Variants in KLRF2 observed in about 807,000 individuals in gnomAD.
KLRF2 encodes killer cell lectin-like receptor subfamily F member 2.
KLRF2 carries 28 observed loss-of-function variants against 25.3 expected under a neutral mutation model. The ratio of observed to expected loss-of-function variants is 1.11; its 90% CI spans 0.82 to 1.52. The LOEUF (loss-of-function observed/expected upper bound fraction) is 1.52. Ranked by LOEUF, KLRF2 falls within the 40% of genes most tolerant of loss-of-function variation. The pLI is 0.00. For synonymous variants in KLRF2, 73 were observed against 85.0 expected (o/e 0.86, Z 0.78); for missense variants, 265 against 245.8 (o/e 1.08, Z -0.52).
chr12:9,885,848 C>G (rs1343046709), intron 2 of KLRF2, among the ~76,000 whole-genome samples: 1 of 152,020 alleles, frequency 6.6e-6, no homozygotes, highest in Non-Finnish European at 1.5e-5. Context: ...TGTTAAACGA[C>G]TATTTTTAGT....
At chr12:9,894,630 A>G (rs1259349884) in intron 5 of KLRF2, among the ~76,000 whole-genome samples, 1 of 152,216 alleles carries the variant, frequency 6.6e-6, no homozygotes, top group East Asian at 1.9e-4. Flanking sequence ...TTCAGTTACT[A>G]GTCATACTAC....
At position 9,886,199 on chromosome 12, in the gene KLRF2, G is replaced by C. The variant is rs182206001; in HGVS notation, c.169+1167G>C. Among the ~76,000 whole-genome samples, 1,050 of 152,058 alleles carry C rather than the reference G, an allele frequency of 6.9e-3. 12 individuals carry two copies. Among genetic ancestry groups the C allele is most frequent in the African/African-American group, 0.024 (1,003 of 41,468 alleles). ...CCATATTTTTTATTCTAATAAATTAGTAACAATTACAATATGTGTGTTTCT... is the reference window on the plus strand; with the variant it reads ...CCATATTTTTTATTCTAATAAATTACTAACAATTACAATATGTGTGTTTCT... On this transcript the variant is annotated intron_variant, in intron 2 of 5. Coordinates refer to ENST00000535540, the MANE Select transcript of KLRF2 (RefSeq NM_001190765.1).
intron 2 of KLRF2, among the ~76,000 whole-genome samples, chr12:9,886,603 T>C (rs1196412981): frequency 6.6e-6 from 1 of 152,030 alleles, no homozygotes; most frequent in Admixed American, 6.5e-5. Context: ...CTTTAATACA[T>C]ACAATGCTTA....
At chr12:9,894,691 T>A (rs1007577952) in intron 5 of KLRF2, among the ~76,000 whole-genome samples, 1 of 152,184 alleles carries the variant, frequency 6.6e-6, no homozygotes, top group Non-Finnish European at 1.5e-5. Flanking sequence ...GGAGTCATAG[T>A]TCATTTCAGT....
chr12:9,888,619 A>C (rs928325184), intron 2 of KLRF2, 114 bp from the exon 3 acceptor site: 1 of 591,580 alleles, frequency 1.7e-6, no homozygotes, highest in African/African-American at 1.8e-5. Flanking sequence ...GAGAAGAGAA[A>C]CTCACAATTT....
chr12:9,893,383 AT>A lies in KLRF2; in HGVS notation c.367-39del, dbSNP rs539150275. The A allele has an allele frequency of 1.4e-5, 14 of 1,020,054 alleles. No homozygotes were observed. In the South Asian group the frequency reaches 2.0e-4, roughly 15 times the overall value. 63.2% of individuals were successfully genotyped at this position (1,020,054 alleles called of 1,614,324 possible). ...GACTTACACTATAGAAGGCATCAAA[AT>A]TTTTTTAAACAAATGAATGAATAAA... On this transcript the variant is annotated intron_variant, in intron 4 of 5. Coordinates refer to ENST00000535540, the MANE Select transcript of KLRF2 (RefSeq NM_001190765.1).
intron 1 of KLRF2, 142 bp from the exon 2 acceptor site, chr12:9,884,792 C>G (rs1868132208): frequency 5.4e-6 from 2 of 369,514 alleles, no homozygotes; most frequent in Admixed American, 9.1e-5. Flanking sequence ...GGATTCTAGA[C>G]TTTTTATTTT....
At chr12:9,887,660 A>G (rs534517167) in intron 2 of KLRF2, among the ~76,000 whole-genome samples, 7 of 152,186 alleles carry the variant, frequency 4.6e-5, no homozygotes, top group African/African-American at 1.7e-4. Flanking sequence ...TTCTGTCTAT[A>G]TGAAAACAAA....
intron 2 of KLRF2, among the ~76,000 whole-genome samples, chr12:9,886,084 T>C (rs1183037733): frequency 6.6e-6 from 1 of 152,154 alleles, no homozygotes; most frequent in African/African-American, 2.4e-5. Flanking sequence ...AATGCAATAA[T>C]TATTCTTTTA....
At chr12:9,885,100 A>C (rs917964042) in intron 2 of KLRF2, 68 bp downstream of exon 2, 1 of 493,874 alleles carries the variant, frequency 2.0e-6, no homozygotes. Flanking sequence ...ATTCCTCTTA[A>C]TGCCAAGATA....
chr12:9,892,947 C>A, intron 3 of KLRF2, 73 bp from the exon 4 acceptor site: 3 of 1,197,706 alleles, frequency 2.5e-6, no homozygotes, highest in Admixed American at 5.5e-5. Context: ...TCCAAGTAGT[C>A]ACATTTGATA....
In KLRF2 at chr12:9,893,427, A is replaced by C; in HGVS notation, c.367-2A>C. On this transcript the variant is annotated splice_acceptor_variant, in intron 4 of 5. Coordinates refer to ENST00000535540, the MANE Select transcript of KLRF2 (RefSeq NM_001190765.1). LOFTEE classifies it high-confidence loss of function. Reference sequence around the variant, plus strand: ...TGAATAAATGCACTATTTCTTCTGCAGGAGTTCATACAGAACAGTTTAAAA... The same window carrying C: ...TGAATAAATGCACTATTTCTTCTGCCGGAGTTCATACAGAACAGTTTAAAA... 1.5e-6 allele frequency: 2 copies of C among 1,304,664 alleles called. No homozygotes were observed. Among genetic ancestry groups the C allele is most frequent in the Non-Finnish European group, 2.1e-6 (2 of 944,998 alleles). 80.8% of individuals were successfully genotyped at this position (1,304,664 alleles called of 1,614,324 possible). A position where few individuals can be genotyped will look rare whatever the true frequency, so the allele number is the denominator to read the frequency against.
chr12:9,888,609 G>A (rs1469233073), intron 2 of KLRF2, 124 bp from the exon 3 acceptor site: 3 of 574,564 alleles, frequency 5.2e-6, no homozygotes, highest in South Asian at 4.9e-5. Context: ...GGATGCATAG[G>A]AGAAGAGAAA....
At chr12:9,886,849 C>T (rs539279966) in intron 2 of KLRF2, among the ~76,000 whole-genome samples, 1 of 149,920 alleles carries the variant, frequency 6.7e-6, no homozygotes, top group Non-Finnish European at 1.5e-5. Flanking sequence ...GATTTATGGA[C>T]TGGTGGTCGG....
chr12:9,894,087 TTC>T lies in KLRF2; in HGVS notation c.479+548_479+549del, dbSNP rs138674082. 8.4e-3 allele frequency among the ~76,000 whole-genome samples: 1,280 copies of T among 151,734 alleles called. 27 individuals carry two copies. The highest frequency in any genetic ancestry group is 0.063 in the East Asian group (322 of 5,146). ...CTTTTTTCTTTCTCTTTCTCTCTTC[TTC>T]TTTCTCTTTCTCTCTTTTTCTTTTT... On this transcript the variant is annotated intron_variant, in intron 5 of 5. Coordinates refer to ENST00000535540, the MANE Select transcript of KLRF2 (RefSeq NM_001190765.1).
chr12:9,893,818 A>C (rs1862718726), intron 5 of KLRF2, among the ~76,000 whole-genome samples: 1 of 152,066 alleles, frequency 6.6e-6, no homozygotes, highest in African/African-American at 2.4e-5. Flanking sequence ...ATTCATAATA[A>C]TTTTTAAATT....
chr12:9,884,583 T>A (rs1284289670), intron 1 of KLRF2, among the ~76,000 whole-genome samples: 1 of 148,790 alleles, frequency 6.7e-6, no homozygotes, highest in Non-Finnish European at 1.5e-5. Flanking sequence ...ATAATATATA[T>A]GTTTACATTG....
intron 3 of KLRF2, among the ~76,000 whole-genome samples, chr12:9,892,756 G>T (rs1591779325): frequency 1.3e-5 from 2 of 151,568 alleles, no homozygotes; most frequent in Admixed American, 1.3e-4. Context: ...GGCTAATTTT[G>T]TATTTTTAGT....
chr12:9,894,065 T>G (rs1222207789), intron 5 of KLRF2, among the ~76,000 whole-genome samples: 1 of 151,914 alleles, frequency 6.6e-6, no homozygotes, highest in African/African-American at 2.4e-5. Flanking sequence ...TCTTTCTCTT[T>G]TTTCTTTCTC....
Sources: gnomAD v4.1 joint callset for allele counts (sites outside exome capture counted in the v4.1 genomes callset) on GRCh38, gnomAD v4.1.1 for gene constraint, MANE v1.5 for transcripts, NCBI Gene and HGNC (gene_info 2026-07-23, HGNC 2026-07-21) for gene names.